The following TOX3 variants were observed in gnomAD, a reference collection of about 807,000 sequenced individuals.
TOX3 encodes the protein TOX high mobility group box family member 3.
In TOX3, 22 loss-of-function variants were observed where a neutral mutation model predicts 64.3. The ratio of observed to expected loss-of-function variants is 0.34; its 90% CI spans 0.24 to 0.49. The LOEUF (loss-of-function observed/expected upper bound fraction) is 0.49. Among genes scored for constraint, TOX3 ranks in the 20% least tolerant of loss-of-function variants. The pLI, the probability that TOX3 is intolerant of heterozygous loss-of-function variation, is 0.99. For synonymous variants in TOX3, 291 were observed against 273.6 expected (o/e 1.06, Z -0.63); for missense variants, 661 against 714.4 (o/e 0.93, Z 0.85).
chr16:52,438,823 A>T lies in TOX3; in HGVS notation c.*402T>A. Reference sequence around the variant, plus strand: ...CTGTGCTTTTTATTTTTAGGGCTTCAGGAGTTCAGATAGCCTGGAAGTGTG... The same window carrying T: ...CTGTGCTTTTTATTTTTAGGGCTTCTGGAGTTCAGATAGCCTGGAAGTGTG... On this transcript the variant is annotated 3_prime_UTR_variant, in exon 7 of 7. Coordinates refer to ENST00000219746, the MANE Select transcript of TOX3 (RefSeq NM_001080430.4). 2.3e-6 allele frequency: 1 copy of T among 428,680 alleles called. No homozygotes were observed. Among genetic ancestry groups the T allele is most frequent in the Non-Finnish European group, 4.5e-6 (1 of 221,100 alleles). 26.6% of individuals were successfully genotyped at this position (428,680 alleles called of 1,614,324 possible).
At chr16:52,446,335 T>A (rs895087345) in intron 4 of TOX3, 114 bp from the exon 5 acceptor site, 26 of 1,090,006 alleles carry the variant, frequency 2.4e-5, no homozygotes, top group Non-Finnish European at 3.2e-5. Flanking sequence ...CATCAACAGA[T>A]GAATCACCAC....
At chr16:52,450,130 G>A (rs1960289038) in intron 4 of TOX3, 147 bp downstream of exon 4, 1 of 948,106 alleles carries the variant, frequency 1.1e-6, no homozygotes, top group Non-Finnish European at 1.6e-6. Flanking sequence ...AAATGAAAGA[G>A]TGAAGAAAAA....
chr16:52,459,410 T>C (rs575535618), intron 3 of TOX3, among the ~76,000 whole-genome samples: 2 of 152,366 alleles, frequency 1.3e-5, no homozygotes, highest in Admixed American at 1.3e-4. Flanking sequence ...GCTTCAGTTT[T>C]ATAATTTAGA....
rs904588015 is a variant in TOX3, at chr16:52,439,066, GC to G, written c.*158del. The G allele has an allele frequency of 1.0e-6, 1 of 982,476 alleles. No homozygotes were observed. Among genetic ancestry groups the G allele is most frequent in the African/African-American group, 1.6e-5 (1 of 62,608 alleles). The allele number at this position is 982,476 out of a possible 1,614,324, so 60.9% of individuals were successfully genotyped here. A position where few individuals can be genotyped will look rare whatever the true frequency, so the allele number is the denominator to read the frequency against. Reference sequence around the variant, plus strand: ...CTAAAAGATGTTACTCAGCTACACTGCAGTTCTTATTGCCTATCTAATAGAC... The same window carrying G: ...CTAAAAGATGTTACTCAGCTACACTGAGTTCTTATTGCCTATCTAATAGAC... On this transcript the variant is annotated 3_prime_UTR_variant, in exon 7 of 7. Coordinates refer to ENST00000219746, the MANE Select transcript of TOX3 (RefSeq NM_001080430.4).
chr16:52,444,125 G>C, intron 6 of TOX3, 151 bp downstream of exon 6: 1 of 530,538 alleles, frequency 1.9e-6, no homozygotes, highest in Non-Finnish European at 3.3e-6. Context: ...CATCACTTGG[G>C]TAATCTCTAA....
At chr16:52,506,450 G>GT (rs1294795340) in intron 1 of TOX3, among the ~76,000 whole-genome samples, 2 of 152,110 alleles carry the variant, frequency 1.3e-5, no homozygotes, top group Non-Finnish European at 2.9e-5. Flanking sequence ...ACCAAGCAAT[G>GT]TATCAGATTG....
At chr16:52,524,128 A>G (rs1437315953) in intron 1 of TOX3, among the ~76,000 whole-genome samples, 1 of 152,164 alleles carries the variant, frequency 6.6e-6, no homozygotes, top group South Asian at 2.1e-4. Flanking sequence ...GTTGGATATG[A>G]CCAGTGGAAT....
rs1434728115 is a variant in TOX3 at position 52,481,485 on chromosome 16, A to G, written c.88-12911T>C. Among the ~76,000 whole-genome samples the G allele has an allele frequency of 2.6e-5, 4 of 152,220 alleles. No homozygotes were observed. The East Asian group carries it at 7.7e-4, about 29-fold the overall frequency. On this transcript the variant is annotated intron_variant, in intron 1 of 6. Coordinates refer to ENST00000219746, the MANE Select transcript of TOX3 (RefSeq NM_001080430.4). The stretch of plus-strand genomic sequence containing the variant: ...CTTAATCATATTTGATAAACCAAAT[A>G]CCTAAAGCCTACTTAACTCACAAAT...
intron 1 of TOX3, among the ~76,000 whole-genome samples, chr16:52,493,788 T>G (rs1961765016): frequency 6.6e-6 from 1 of 152,174 alleles, no homozygotes; most frequent in Non-Finnish European, 1.5e-5. Flanking sequence ...GGAGGAAAGG[T>G]GGTAATTATT....
intron 1 of TOX3, among the ~76,000 whole-genome samples, chr16:52,501,173 G>T (rs969010121): frequency 1.3e-5 from 2 of 152,188 alleles, no homozygotes; most frequent in Non-Finnish European, 2.9e-5. Flanking sequence ...CTTTGGCCAA[G>T]CCTACATGAT....
chr16:52,506,657 T>C (rs1189194667), intron 1 of TOX3, among the ~76,000 whole-genome samples: 1 of 152,118 alleles, frequency 6.6e-6, no homozygotes, highest in Non-Finnish European at 1.5e-5. Flanking sequence ...TGATTCAGAC[T>C]CTTTAGAGGC....
At chr16:52,537,870 T>A (rs1316219516) in intron 1 of TOX3, among the ~76,000 whole-genome samples, 2 of 119,072 alleles carry the variant, frequency 1.7e-5, no homozygotes, top group Non-Finnish European at 3.2e-5. Flanking sequence ...ACAGCCTGGC[T>A]GATATGATAA....
intron 1 of TOX3, among the ~76,000 whole-genome samples, chr16:52,526,127 G>T (rs1962722302): frequency 6.6e-6 from 1 of 152,112 alleles, no homozygotes; most frequent in Non-Finnish European, 1.5e-5. Flanking sequence ...AGAACAATCT[G>T]GTCATCAATA....
rs1959782914 is a variant in TOX3 at position 52,437,482 on chromosome 16, G to A, written c.*1743C>T. On this transcript the variant is annotated 3_prime_UTR_variant, in exon 7 of 7. Transcript: ENST00000219746. ...TTTAATTTTCATTTTATCATAAGCA[G>A]TTTAAGACTGTTGCCAGTGGTAATT... The A allele has an allele frequency of 6.6e-6, 1 of 152,184 alleles. No homozygotes were observed. Among genetic ancestry groups the A allele is most frequent in the Non-Finnish European group, 1.5e-5 (1 of 68,022 alleles). 9.4% of individuals were successfully genotyped at this position (152,184 alleles called of 1,614,324 possible). A position where few individuals can be genotyped will look rare whatever the true frequency, so the allele number is the denominator to read the frequency against.
intron 1 of TOX3, among the ~76,000 whole-genome samples, chr16:52,542,269 G>C (rs1026174348): frequency 7.9e-5 from 12 of 152,120 alleles, no homozygotes; most frequent in Non-Finnish European, 1.6e-4. Context: ...TACATAGTTG[G>C]ACATGGGAGC....
At chr16:52,452,675 A>G (rs937954620) in intron 3 of TOX3, among the ~76,000 whole-genome samples, 3 of 88,786 alleles carry the variant, frequency 3.4e-5, no homozygotes, top group African/African-American at 6.2e-5. Flanking sequence ...AACTTAAAGT[A>G]TAATAATAAT....
At chr16:52,469,509 C>T (rs1276292182) in intron 1 of TOX3, among the ~76,000 whole-genome samples, 1 of 152,056 alleles carries the variant, frequency 6.6e-6, no homozygotes, top group African/African-American at 2.4e-5. Flanking sequence ...AAAGAATGTC[C>T]TTTTTATAAA....
rs3086679 is a variant in TOX3, at chr16:52,490,626, A to ATTTTTTTTTTTTTTTTT, written c.88-22069_88-22053dup. 2.0e-4 allele frequency among the ~76,000 whole-genome samples: 20 copies of ATTTTTTTTTTTTTTTTT among 99,044 alleles called. 1 individual carries two copies. The highest frequency in any genetic ancestry group is 4.2e-4 in the South Asian group (1 of 2,400). The allele number at this position is 99,044 out of a possible 152,430, so 65.0% of individuals were successfully genotyped here. A position where few individuals can be genotyped will look rare whatever the true frequency, so the allele number is the denominator to read the frequency against. ...ACTGAGACCTTCCTTCTAGGATGTA[A>ATTTTTTTTTTTTTTTTT]TTTTTTTTTTTTTTTTTTTTTAATA... On this transcript the variant is annotated intron_variant, in intron 1 of 6. Transcript: ENST00000219746.
chr16:52,499,706 C>T (rs1277870927), intron 1 of TOX3, among the ~76,000 whole-genome samples: 2 of 152,222 alleles, frequency 1.3e-5, no homozygotes, highest in African/African-American at 4.8e-5. Flanking sequence ...AGCATACTCT[C>T]ACCTGGACGC....
Sources: gnomAD v4.1 joint callset for allele counts (sites outside exome capture counted in the v4.1 genomes callset) on GRCh38, gnomAD v4.1.1 for gene constraint, MANE v1.5 for transcripts, NCBI Gene and HGNC (gene_info 2026-07-23, HGNC 2026-07-21) for gene names.